Variants in BLTP1 observed in about 807,000 individuals in gnomAD.
BLTP1 encodes the protein fragile site-associated protein.
the BLTP1 span, among the ~76,000 whole-genome samples, chr4:122,361,165 C>G: frequency 6.6e-6 from 1 of 152,146 alleles, no homozygotes; most frequent in East Asian, 1.9e-4. Flanking sequence ...CTAACCACCC[C>G]CAACCCCCAC....
chr4:122,238,574 A>T, the BLTP1 span, among the ~76,000 whole-genome samples: 2 of 152,324 alleles, frequency 1.3e-5, no homozygotes, highest in East Asian at 3.9e-4. Flanking sequence ...AGTGTAATGA[A>T]AGTGGAAGTT....
At chr4:122,253,252 T>C in the BLTP1 span, among the ~76,000 whole-genome samples, 1 of 152,102 alleles carries the variant, frequency 6.6e-6, no homozygotes, top group Non-Finnish European at 1.5e-5. Context: ...CAGACATTGA[T>C]GAACGTCCAC....
the BLTP1 span, chr4:122,348,883 T>G: frequency 1.8e-6 from 1 of 559,732 alleles, no homozygotes; most frequent in Non-Finnish European, 3.1e-6. Flanking sequence ...CTAAGGATAC[T>G]GCAATATAAA....
At chr4:122,347,915 AAT>A in the BLTP1 span, 69 of 633,690 alleles carry the variant, frequency 1.1e-4, no homozygotes, top group East Asian at 1.8e-3. Context: ...AAAAAAAAAA[AAT>A]CCCCAACACA....
At chr4:122,170,640 CTT>C in the BLTP1 span, 1 of 1,557,184 alleles carries the variant, frequency 6.4e-7, no homozygotes, top group Non-Finnish European at 8.7e-7. Context: ...TCTGGAAAAA[CTT>C]TAGTAATGGA....
At chr4:122,200,935 C>G in the BLTP1 span, 19 of 1,548,522 alleles carry the variant, frequency 1.2e-5, no homozygotes, top group East Asian at 3.9e-4. Flanking sequence ...GCGTGTGTAA[C>G]TTCATTTCTA....
the BLTP1 span, among the ~76,000 whole-genome samples, chr4:122,198,909 C>G: frequency 1.1e-4 from 16 of 152,076 alleles, no homozygotes; most frequent in African/African-American, 3.1e-4. Context: ...ATACAATACT[C>G]TAAACTATTC....
chr4:122,201,018 A>G, the BLTP1 span: 1 of 1,612,028 alleles, frequency 6.2e-7, no homozygotes, highest in Non-Finnish European at 8.5e-7. Context: ...GTTCCACATC[A>G]ATGCCAGCTA....
the BLTP1 span, among the ~76,000 whole-genome samples, chr4:122,177,011 C>T: frequency 2.0e-5 from 3 of 152,274 alleles, no homozygotes; most frequent in African/African-American, 4.8e-5. Context: ...CATTCACTAG[C>T]GTTAAACCTT....
the BLTP1 span, chr4:122,185,123 C>T: frequency 1.3e-5 from 13 of 982,786 alleles, no homozygotes; most frequent in Non-Finnish European, 1.6e-5. Flanking sequence ...AATCTATATT[C>T]CTGTAGGAAT....
chr4:122,318,021 A>T, the BLTP1 span: 1 of 932,704 alleles, frequency 1.1e-6, no homozygotes, highest in South Asian at 1.9e-5. Context: ...AAGCTTATTG[A>T]GGGTTTTGGC....
the BLTP1 span, chr4:122,196,554 T>C: frequency 1.2e-5 from 14 of 1,131,882 alleles, no homozygotes; most frequent in Admixed American, 2.4e-5. Flanking sequence ...AATAAAAAAT[T>C]AGAATATTGA....
the BLTP1 span, chr4:122,334,510 C>T: frequency 4.3e-6 from 7 of 1,612,600 alleles, no homozygotes; most frequent in African/African-American, 2.7e-5. Context: ...AAGACTAACA[C>T]CTTACTTCCT....
At chr4:122,153,132 T>C in the BLTP1 span, 3 of 673,496 alleles carry the variant, frequency 4.5e-6, no homozygotes, top group Non-Finnish European at 5.5e-6. Context: ...AAGTTGATTT[T>C]TCTTCCGGAG....
At chr4:122,282,225 A>G in the BLTP1 span, 9 of 264,332 alleles carry the variant, frequency 3.4e-5, no homozygotes, top group Non-Finnish European at 5.3e-5. Flanking sequence ...TTTAATATTT[A>G]TGAAATATAT....
chr4:122,313,918 G>C, the BLTP1 span: 1 of 333,524 alleles, frequency 3.0e-6, no homozygotes, highest in South Asian at 1.2e-4. Context: ...TTTTAGAAAA[G>C]ATTAAAATGA....
At chr4:122,196,596 G>T in the BLTP1 span, 3 of 1,528,110 alleles carry the variant, frequency 2.0e-6, no homozygotes, top group South Asian at 1.2e-5. Context: ...AATTTTGTTT[G>T]AATAACATGT....
At chr4:122,348,351 T>A in the BLTP1 span, among the ~76,000 whole-genome samples, 2 of 152,202 alleles carry the variant, frequency 1.3e-5, no homozygotes, top group Non-Finnish European at 2.9e-5. Context: ...TACATAATTT[T>A]ATGAGCTTTC....
the BLTP1 span, chr4:122,287,739 C>G: frequency 1.0e-6 from 1 of 981,148 alleles, no homozygotes; most frequent in Non-Finnish European, 1.2e-6. Flanking sequence ...GCCCTGGAAG[C>G]TCTCTAAGAG....
Sources: allele counts gnomAD v4.1 joint callset (sites outside exome capture counted in the v4.1 genomes callset), GRCh38; gene constraint gnomAD v4.1.1; transcripts MANE v1.5; gene names NCBI Gene and HGNC (gene_info 2026-07-23, HGNC 2026-07-21).